The following PRKG1 variants were observed in gnomAD, a reference collection of about 807,000 sequenced individuals.
PRKG1 encodes the protein cGMP-dependent protein kinase 1.
In PRKG1, 35 loss-of-function variants were observed where a neutral mutation model predicts 88.1. The ratio of observed to expected loss-of-function variants is 0.40; its 90% CI spans 0.30 to 0.53. The LOEUF (loss-of-function observed/expected upper bound fraction) is 0.53. Among genes scored for constraint, PRKG1 ranks in the 20% least tolerant of loss-of-function variants. PRKG1 has a pLI of 0.59. For synonymous variants in PRKG1, 303 were observed against 292.5 expected (o/e 1.04, Z -0.37); for missense variants, 540 against 839.8 (o/e 0.64, Z 4.41).
intron 1 of PRKG1, among the ~76,000 whole-genome samples, chr10:51,057,949 C>G (rs1261096281): frequency 6.6e-6 from 1 of 152,060 alleles, no homozygotes; most frequent in Admixed American, 6.6e-5. Flanking sequence ...TAAATTTTCC[C>G]AAGTGGCCAT....
chr10:52,061,750 A>T (rs1846241103), intron 6 of PRKG1, among the ~76,000 whole-genome samples: 1 of 152,084 alleles, frequency 6.6e-6, no homozygotes, highest in Non-Finnish European at 1.5e-5. Context: ...CCTATATGTA[A>T]TTTATATATC....
At chr10:52,218,220 A>G (rs930224867) in intron 9 of PRKG1, among the ~76,000 whole-genome samples, 3 of 151,388 alleles carry the variant, frequency 2.0e-5, no homozygotes, top group Non-Finnish European at 4.4e-5. Context: ...CAAAAAAAAA[A>G]AAAAAAGAAA....
chr10:52,187,859 G>C (rs1478163983), intron 9 of PRKG1, among the ~76,000 whole-genome samples: 13 of 152,130 alleles, frequency 8.5e-5, no homozygotes, highest in Admixed American at 7.9e-4. Flanking sequence ...ACATCCTCAG[G>C]TGCAGTAAGT....
intron 4 of PRKG1, among the ~76,000 whole-genome samples, chr10:51,824,897 G>T (rs1839845807): frequency 6.6e-6 from 1 of 152,054 alleles, no homozygotes; most frequent in African/African-American, 2.4e-5. Context: ...CACTAATGAG[G>T]ATCACATTTC....
intron 3 of PRKG1, among the ~76,000 whole-genome samples, chr10:51,733,395 T>G (rs1438655219): frequency 6.6e-6 from 1 of 152,200 alleles, no homozygotes; most frequent in Admixed American, 6.5e-5. Context: ...GGATTCTTCT[T>G]GATGTTATTA....
chr10:51,712,257 T>C (rs1007492826), intron 3 of PRKG1, among the ~76,000 whole-genome samples: 25 of 152,256 alleles, frequency 1.6e-4, no homozygotes, highest in African/African-American at 5.1e-4. Flanking sequence ...CCTCTGAGTA[T>C]AGAGAGGGCA....
chr10:52,191,709 C>T (rs1490592476), intron 9 of PRKG1, among the ~76,000 whole-genome samples: 1 of 152,152 alleles, frequency 6.6e-6, no homozygotes, highest in Non-Finnish European at 1.5e-5. Flanking sequence ...CTTGCAGCTA[C>T]ATGAAGTTGG....
chr10:51,169,388 A>T (rs1475680398), intron 2 of PRKG1, among the ~76,000 whole-genome samples: 2 of 152,152 alleles, frequency 1.3e-5, no homozygotes, highest in Non-Finnish European at 1.5e-5. Context: ...TGCATTTTGC[A>T]AAGAGCTTTT....
At chr10:52,163,440 G>A (rs10740435) in intron 9 of PRKG1, among the ~76,000 whole-genome samples, 130,699 of 151,346 alleles carry the variant, frequency 0.86, 58,043 homozygotes, top group East Asian at 1. Flanking sequence ...AAAAATTCAC[G>A]TACAATCCAG....
Position 52,095,323 on chromosome 10 carries a change from AT to A in PRKG1, c.935+32695del, listed in dbSNP as rs201879494. ...TCAATGAGAACTACTCTGACACCTT[AT>A]TTAATTCTGCTCCCTTCTCCCACAT... On this transcript the variant is annotated intron_variant, in intron 7 of 17. Coordinates refer to ENST00000373980, the MANE Select transcript of PRKG1 (RefSeq NM_006258.4). Among the ~76,000 whole-genome samples, 911 of 152,294 alleles carry A rather than the reference AT, an allele frequency of 6.0e-3. 9 individuals carry two copies. The highest frequency in any genetic ancestry group is 0.021 in the African/African-American group (876 of 41,544).
chr10:51,494,901 T>C (rs1840809284), intron 3 of PRKG1, among the ~76,000 whole-genome samples: 1 of 152,182 alleles, frequency 6.6e-6, no homozygotes. Context: ...AAGCACATTA[T>C]GGTTTGCTAT....
At chr10:51,061,343 C>T (rs1843690507) in intron 1 of PRKG1, among the ~76,000 whole-genome samples, 1 of 152,052 alleles carries the variant, frequency 6.6e-6, no homozygotes, top group African/African-American at 2.4e-5. Flanking sequence ...AAAAACCTAC[C>T]CCCATGAGTC....
At chr10:52,120,703 C>T (rs1478370228) in intron 7 of PRKG1, among the ~76,000 whole-genome samples, 1 of 152,192 alleles carries the variant, frequency 6.6e-6, no homozygotes, top group Non-Finnish European at 1.5e-5. Context: ...AGGAGTTGGG[C>T]TCCCCAGACC....
At chr10:51,205,655 C>A (rs1311220803) in intron 2 of PRKG1, among the ~76,000 whole-genome samples, 1 of 151,966 alleles carries the variant, frequency 6.6e-6, no homozygotes, top group Non-Finnish European at 1.5e-5. Context: ...CCTGCCTCAG[C>A]CTCCTGAGTA....
intron 5 of PRKG1, among the ~76,000 whole-genome samples, chr10:52,024,241 G>A (rs941989566): frequency 1.1e-4 from 17 of 151,930 alleles, no homozygotes; most frequent in African/African-American, 4.1e-4. Context: ...GTGCCATCAA[G>A]CTACCATTAA....
chr10:51,328,914 C>T (rs941517313), intron 2 of PRKG1, among the ~76,000 whole-genome samples: 3 of 151,970 alleles, frequency 2.0e-5, no homozygotes, highest in African/African-American at 4.8e-5. Flanking sequence ...GGGGAACAGG[C>T]GTTGCCCATT....
chr10:51,734,266 T>C (rs984013877), intron 3 of PRKG1, among the ~76,000 whole-genome samples: 6 of 152,148 alleles, frequency 3.9e-5, no homozygotes, highest in African/African-American at 1.4e-4. Context: ...TGGGTGATAA[T>C]GGCTTGCATC....
At chr10:51,329,953 A>G (rs1329372390) in intron 2 of PRKG1, among the ~76,000 whole-genome samples, 1 of 142,284 alleles carries the variant, frequency 7.0e-6, no homozygotes, top group Admixed American at 7.0e-5. Context: ...TTTGGATTAG[A>G]TATGATTGGA....
intron 3 of PRKG1, among the ~76,000 whole-genome samples, chr10:51,558,851 G>C (rs1241114037): frequency 1.3e-5 from 2 of 152,062 alleles, no homozygotes; most frequent in Non-Finnish European, 2.9e-5. Context: ...ACAGATCAAT[G>C]AACTGAAGGT....
Sources: gnomAD v4.1 joint callset for allele counts (sites outside exome capture counted in the v4.1 genomes callset) on GRCh38, gnomAD v4.1.1 for gene constraint, MANE v1.5 for transcripts, NCBI Gene and HGNC (gene_info 2026-07-23, HGNC 2026-07-21) for gene names.